STX8: variants seen among roughly 807,000 people sequenced by gnomAD.
The protein encoded by STX8 is syntaxin-8.
Under a neutral mutation model 37.5 loss-of-function variants are expected in STX8, and 23 were observed. The observed-to-expected ratio is 0.61, with a 90% confidence interval of 0.44 to 0.87. The LOEUF (loss-of-function observed/expected upper bound fraction) is 0.87, where lower values mean the gene tolerates loss of function less well. Among genes scored for constraint, STX8 ranks in the 40% least tolerant of loss-of-function variants. The pLI is 0.00. For synonymous variants in STX8, 115 were observed against 99.1 expected (o/e 1.16, Z -0.95); for missense variants, 313 against 284.7 (o/e 1.10, Z -0.71).
chr17:9,269,370 C>T (rs1907365957), intron 7 of STX8, among the ~76,000 whole-genome samples: 1 of 152,158 alleles, frequency 6.6e-6, no homozygotes, highest in African/African-American at 2.4e-5. Context: ...CCTCAAGACA[C>T]CGTCCTGGAA....
At chr17:9,391,225 T>G (rs12103511) in intron 6 of STX8, among the ~76,000 whole-genome samples, 49,880 of 151,724 alleles carry the variant, frequency 0.33, 10,246 homozygotes, top group African/African-American at 0.59. Context: ...TGGTAGAGGC[T>G]GGTGGATCAC....
chr17:9,491,079 G>A (rs564341544), intron 6 of STX8, among the ~76,000 whole-genome samples: 6 of 152,162 alleles, frequency 3.9e-5, no homozygotes, highest in East Asian at 1.9e-4. Flanking sequence ...CTTTGGCTCC[G>A]CCCTCTCCCT....
chr17:9,327,046 A>G lies in STX8; in HGVS notation c.643+51506T>C, dbSNP rs1909777602. ...ATGGTGCATGCCTGTAATCCCAGCT[A>G]TTCGGGAGGCTGAGGCAGGAGAATC... On this transcript the variant is annotated intron_variant, in intron 7 of 7. Coordinates refer to ENST00000306357, the MANE Select transcript of STX8 (RefSeq NM_004853.3). Among the ~76,000 whole-genome samples, 5 of 151,930 alleles carry G rather than the reference A, an allele frequency of 3.3e-5. No homozygotes were observed. The South Asian group carries it at 1.0e-3, about 32-fold the overall frequency.
chr17:9,357,854 CTA>C (rs1183683490), intron 7 of STX8, among the ~76,000 whole-genome samples: 7 of 152,292 alleles, frequency 4.6e-5, no homozygotes, highest in African/African-American at 1.7e-4. Context: ...TCATACATCT[CTA>C]GAAGATGACA....
chr17:9,386,402 A>G (rs1912014934), intron 6 of STX8, among the ~76,000 whole-genome samples: 1 of 152,192 alleles, frequency 6.6e-6, no homozygotes, highest in East Asian at 1.9e-4. Context: ...GACATCAGAA[A>G]GTGGTTGCCT....
chr17:9,565,473 G>A (rs1351205208), intron 2 of STX8, among the ~76,000 whole-genome samples: 1 of 151,908 alleles, frequency 6.6e-6, no homozygotes, highest in African/African-American at 2.4e-5. Flanking sequence ...AAAATTAGCT[G>A]GGCATGGTGG....
At chr17:9,519,610 C>T (rs1489824266) in intron 4 of STX8, among the ~76,000 whole-genome samples, 1 of 152,118 alleles carries the variant, frequency 6.6e-6, no homozygotes, top group Admixed American at 6.6e-5. Flanking sequence ...AGATCTCACC[C>T]TATCACTTCC....
At chr17:9,518,740 C>A (rs902527080) in intron 4 of STX8, among the ~76,000 whole-genome samples, 1 of 151,896 alleles carries the variant, frequency 6.6e-6, no homozygotes, top group Non-Finnish European at 1.5e-5. Context: ...TAGTGGTGGG[C>A]GCCTGCAATC....
At chr17:9,342,561 G>A (rs1910398076) in intron 7 of STX8, among the ~76,000 whole-genome samples, 1 of 152,202 alleles carries the variant, frequency 6.6e-6, no homozygotes, top group South Asian at 2.1e-4. Context: ...GGGAAGAACA[G>A]TGGTGCCAAA....
chr17:9,338,143 T>C (rs1910200536), intron 7 of STX8, among the ~76,000 whole-genome samples: 1 of 143,622 alleles, frequency 7.0e-6, no homozygotes, highest in Non-Finnish European at 1.5e-5. Context: ...AACCTCCGCC[T>C]CCCGGGTTCA....
intron 7 of STX8, among the ~76,000 whole-genome samples, chr17:9,359,010 T>A (rs905723454): frequency 6.6e-6 from 1 of 152,052 alleles, no homozygotes; most frequent in African/African-American, 2.4e-5. Context: ...TGGGATTATA[T>A]CCAGCATCCT....
chr17:9,424,350 C>G (rs1402223241), intron 6 of STX8, among the ~76,000 whole-genome samples: 1 of 151,956 alleles, frequency 6.6e-6, no homozygotes, highest in African/African-American at 2.4e-5. Flanking sequence ...TGCCTACTTT[C>G]TCAACCAGTT....
chr17:9,362,844 T>A (rs10694934), intron 7 of STX8, among the ~76,000 whole-genome samples: 30,754 of 135,398 alleles, frequency 0.23, 4,076 homozygotes, highest in Middle Eastern at 0.38. Flanking sequence ...AAAAAAAAAA[T>A]AAATAAATAA....
At chr17:9,508,723 T>C (rs1269647429) in intron 4 of STX8, among the ~76,000 whole-genome samples, 1 of 152,212 alleles carries the variant, frequency 6.6e-6, no homozygotes, top group Middle Eastern at 3.2e-3. Flanking sequence ...ACAGAATTCA[T>C]GGGACACTAT....
At chr17:9,564,282 G>T (rs1215295879) in intron 2 of STX8, among the ~76,000 whole-genome samples, 1 of 150,824 alleles carries the variant, frequency 6.6e-6, no homozygotes, top group Non-Finnish European at 1.5e-5. Context: ...GAGGAGAAAA[G>T]AGGTGAGAAA....
intron 7 of STX8, among the ~76,000 whole-genome samples, chr17:9,339,119 G>A (rs1910243840): frequency 6.8e-6 from 1 of 147,652 alleles, no homozygotes; most frequent in Admixed American, 6.8e-5. Flanking sequence ...AAATATGAAA[G>A]CCAGAGAATC....
At chr17:9,300,078 T>A (rs1018065782) in intron 7 of STX8, among the ~76,000 whole-genome samples, 5 of 152,078 alleles carry the variant, frequency 3.3e-5, no homozygotes, top group Admixed American at 2.6e-4. Context: ...ATGCCTATAA[T>A]CCCAGCACTT....
chr17:9,395,245 T>C (rs548910963), intron 6 of STX8, among the ~76,000 whole-genome samples: 6 of 152,322 alleles, frequency 3.9e-5, no homozygotes, highest in African/African-American at 1.4e-4. Context: ...AAATTCTATT[T>C]AACCACAATA....
At chr17:9,333,600 A>C (rs538985177) in intron 7 of STX8, among the ~76,000 whole-genome samples, 11 of 152,270 alleles carry the variant, frequency 7.2e-5, no homozygotes, top group East Asian at 1.9e-4. Flanking sequence ...TGTGTTAGCC[A>C]GGATGGTCTG....
Sources: gnomAD v4.1 joint callset for allele counts (sites outside exome capture counted in the v4.1 genomes callset) on GRCh38, gnomAD v4.1.1 for gene constraint, MANE v1.5 for transcripts, NCBI Gene and HGNC (gene_info 2026-07-23, HGNC 2026-07-21) for gene names.